WASHC4: variants seen among roughly 807,000 people sequenced by gnomAD.
WASHC4 encodes the protein WASH complex subunit 7.
A neutral mutation model predicts 166.6 loss-of-function variants in WASHC4; 86 were observed. The ratio of observed to expected loss-of-function variants is 0.52; its 90% CI spans 0.43 to 0.62. WASHC4 has a LOEUF of 0.62. WASHC4 is among the 20% of genes least tolerant of loss of function. The probability of loss-of-function intolerance (pLI) is 0.00; values close to 1 mark genes in which losing one functional copy is unlikely to be tolerated. For missense variants in WASHC4, 1,262 were observed against 1,382.4 expected (o/e 0.91, Z 1.38); for synonymous variants, 446 against 451.6 (o/e 0.99, Z 0.16).
chr12:105,146,133 A>G (rs1883272090), intron 22 of WASHC4, among the ~76,000 whole-genome samples: 1 of 152,180 alleles, frequency 6.6e-6, no homozygotes. Flanking sequence ...TTTACTTTGT[A>G]GAAAAAATGT....
chr12:105,167,151 T>A lies in WASHC4; in HGVS notation c.*220T>A. 3.8e-6 allele frequency: 2 copies of A among 520,626 alleles called. No homozygotes were observed. The highest frequency in any genetic ancestry group is 6.4e-5 in the East Asian group (2 of 31,148). 32.3% of individuals were successfully genotyped at this position (520,626 alleles called of 1,614,324 possible). On this transcript the variant is annotated 3_prime_UTR_variant, in exon 33 of 33. Transcript: ENST00000332180. Reference sequence around the variant, plus strand: ...GAGATTTTAAAATTGGATTTTTGCCTGGACTTGAGGGTACAAGATGTTTCT... The same window carrying A: ...GAGATTTTAAAATTGGATTTTTGCCAGGACTTGAGGGTACAAGATGTTTCT...
At chr12:105,141,914 T>C (rs1882886460) in intron 18 of WASHC4, among the ~76,000 whole-genome samples, 1 of 151,778 alleles carries the variant, frequency 6.6e-6, no homozygotes, top group African/African-American at 2.4e-5. Context: ...CATTATAAGA[T>C]AGTTAATGAT....
intron 10 of WASHC4, among the ~76,000 whole-genome samples, 193 bp downstream of exon 10, chr12:105,122,431 G>A (rs1428713698): frequency 6.6e-6 from 1 of 150,936 alleles, no homozygotes; most frequent in Non-Finnish European, 1.5e-5. Flanking sequence ...TATATTAGTT[G>A]TATTTGGAGC....
At chr12:105,121,021 A>G in intron 8 of WASHC4, 80 bp from the exon 9 acceptor site, 1 of 916,686 alleles carries the variant, frequency 1.1e-6, no homozygotes, top group South Asian at 1.3e-5. Flanking sequence ...ATCAGCCCAA[A>G]TGATTTTACT....
At chr12:105,122,312 C>A in intron 10 of WASHC4, 74 bp downstream of exon 10, 2 of 1,447,500 alleles carry the variant, frequency 1.4e-6, no homozygotes, top group South Asian at 1.2e-5. Flanking sequence ...TAGTAGGACA[C>A]TTTTATAATA....
At position 105,168,225 on chromosome 12, in the gene WASHC4, A is replaced by G. The variant is rs1489213176; in HGVS notation, c.*1294A>G. Reference sequence around the variant, plus strand: ...CTGTTTGTACTTACTGGTTAGGGTCAGGGTAACTTGCCAGCCCAAGATAAA... The same window carrying G: ...CTGTTTGTACTTACTGGTTAGGGTCGGGGTAACTTGCCAGCCCAAGATAAA... On this transcript the variant is annotated 3_prime_UTR_variant, in exon 33 of 33. Coordinates refer to ENST00000332180, the MANE Select transcript of WASHC4 (RefSeq NM_015275.3). 1.3e-5 allele frequency: 2 copies of G among 152,458 alleles called. No homozygotes were observed. The highest frequency in any genetic ancestry group is 6.5e-5 in the Admixed American group (1 of 15,268). 9.4% of individuals were successfully genotyped at this position (152,458 alleles called of 1,614,324 possible). A position where few individuals can be genotyped will look rare whatever the true frequency, so the allele number is the denominator to read the frequency against.
chr12:105,121,466 C>T (rs1880734675), intron 9 of WASHC4, among the ~76,000 whole-genome samples: 1 of 152,068 alleles, frequency 6.6e-6, no homozygotes, highest in Admixed American at 6.6e-5. Context: ...GCTTAGGACT[C>T]AGATTTATTG....
Position 105,157,305 on chromosome 12 carries a change from A to T in WASHC4, c.2895A>T (p.Glu965Asp), listed in dbSNP as rs1884231310. 1.3e-6 allele frequency: 2 copies of T among 1,551,348 alleles called. No homozygotes were observed. The highest frequency in any genetic ancestry group is 1.4e-5 in the African/African-American group (1 of 73,832). Reference protein sequence around the residue: ...ELVKEEGLAEETLKAARHLDS... With the variant: ...ELVKEEGLAEDTLKAARHLDS... Reference sequence around the variant, plus strand: ...TAAAAGAAGAAGGTCTTGCAGAAGAAACATTAAAAGCAGCAAGGTAATCTA... The same window carrying T: ...TAAAAGAAGAAGGTCTTGCAGAAGATACATTAAAAGCAGCAAGGTAATCTA... The change falls in exon 28 of 33, where the codon GAA (glutamate) becomes GAT (aspartate). Residue 965 changes from glutamate to aspartate, a missense_variant. Physicochemically the swap from Glu to Asp is conservative, Grantham distance 45. Coordinates refer to ENST00000332180, the MANE Select transcript of WASHC4 (RefSeq NM_015275.3).
intron 22 of WASHC4, among the ~76,000 whole-genome samples, chr12:105,146,012 C>T (rs2135805113): frequency 6.6e-6 from 1 of 152,208 alleles, no homozygotes; most frequent in South Asian, 2.1e-4. Context: ...AAGAATGATA[C>T]CTCATATTTT....
chr12:105,136,523 T>A (rs976221556), intron 14 of WASHC4, among the ~76,000 whole-genome samples: 3 of 152,150 alleles, frequency 2.0e-5, no homozygotes, highest in Non-Finnish European at 4.4e-5. Flanking sequence ...ACAATTTAGA[T>A]TTCAAAATAC....
At chr12:105,147,864 C>T (rs1883436864) in intron 24 of WASHC4, 3 of 834,396 alleles carry the variant, frequency 3.6e-6, no homozygotes, top group Non-Finnish European at 4.3e-6. Flanking sequence ...GAGATTGCGC[C>T]ATTGCACTCC....
At chr12:105,117,754 G>C (rs569768604) in intron 6 of WASHC4, among the ~76,000 whole-genome samples, 2 of 152,258 alleles carry the variant, frequency 1.3e-5, no homozygotes, top group South Asian at 4.1e-4. Flanking sequence ...TTAAAATTTA[G>C]ATCAGCATAG....
At chr12:105,139,355 T>A (rs2135786526) in intron 15 of WASHC4, among the ~76,000 whole-genome samples, 1 of 150,242 alleles carries the variant, frequency 6.7e-6, no homozygotes, top group South Asian at 2.1e-4. Context: ...GATTATGTGT[T>A]ACGTATATGT....
At chr12:105,161,113 A>G (rs1293632124) in intron 29 of WASHC4, among the ~76,000 whole-genome samples, 1 of 152,192 alleles carries the variant, frequency 6.6e-6, no homozygotes, top group Non-Finnish European at 1.5e-5. Flanking sequence ...TAAAATCTAA[A>G]TATCACCCAG....
At chr12:105,143,022 C>G in intron 19 of WASHC4, 105 bp from the exon 20 acceptor site, 1 of 730,004 alleles carries the variant, frequency 1.4e-6, no homozygotes, top group Admixed American at 2.2e-5. Flanking sequence ...ATCATTTTTC[C>G]TTCAGATCGA....
rs770349424 is a variant in WASHC4, at chr12:105,126,086, A to G, written c.869A>G (p.His290Arg). ...AGTACTTTTGCTGAGGAATTTGCACATAGTATTCGGTCAATTTTTGCAAAT... is the reference window on the plus strand; with the variant it reads ...AGTACTTTTGCTGAGGAATTTGCACGTAGTATTCGGTCAATTTTTGCAAAT... ...KNSTFAEEFA[H>R]SIRSIFANVE... The change falls in exon 11 of 33, where the codon CAT (histidine) becomes CGT (arginine). Residue 290 changes from histidine (H) to arginine (R), a missense_variant. Physicochemically the swap from His to Arg is conservative, Grantham distance 29 (BLOSUM62 0). Coordinates refer to ENST00000332180, the MANE Select transcript of WASHC4 (RefSeq NM_015275.3). The G allele has an allele frequency of 8.1e-6, 13 of 1,613,100 alleles. 1 individual carries two copies. The South Asian group carries it at 1.2e-4, about 15-fold the overall frequency.
intron 23 of WASHC4, 24 bp from the exon 24 acceptor site, chr12:105,147,018 G>A (rs1883352152): frequency 5.2e-6 from 7 of 1,339,758 alleles, no homozygotes; most frequent in Non-Finnish European, 7.5e-6. Flanking sequence ...CGTTGTTACT[G>A]AGCATAAATT....
At chr12:105,161,946 A>G (rs1200891483) in intron 29 of WASHC4, among the ~76,000 whole-genome samples, 2 of 152,234 alleles carry the variant, frequency 1.3e-5, no homozygotes, top group Non-Finnish European at 2.9e-5. Flanking sequence ...AAAAATAAAA[A>G]TACCTTTTTA....
intron 24 of WASHC4, 116 bp downstream of exon 24, chr12:105,147,262 AT>A (rs1883372857): frequency 1.4e-6 from 1 of 712,434 alleles, no homozygotes; most frequent in African/African-American, 1.8e-5. Context: ...TTTTACATGA[AT>A]TTCCATTTTT....
Sources: gnomAD v4.1 joint callset for allele counts (sites outside exome capture counted in the v4.1 genomes callset) on GRCh38, gnomAD v4.1.1 for gene constraint, MANE v1.5 for transcripts, NCBI Gene and HGNC (gene_info 2026-07-23, HGNC 2026-07-21) for gene names.